Variants in COL19A1 observed in about 807,000 individuals in gnomAD.
COL19A1 encodes collagen type XIX alpha 1 chain, also known as collagen alpha-1(XIX) chain.
COL19A1 carries 159 observed loss-of-function variants against 190.2 expected under a neutral mutation model. That is an observed-to-expected ratio of 0.84 (90% CI 0.73 to 0.95). The LOEUF is 0.95. Ranked by LOEUF, COL19A1 falls within the 40% of genes least tolerant of loss-of-function variation. COL19A1 has a pLI of 0.00. For missense variants in COL19A1, 1,418 were observed against 1,431.9 expected, an observed-to-expected ratio of 0.99 and a Z score of 0.16; for synonymous variants, 509 against 458.9, an observed-to-expected ratio of 1.11 and a Z score of -1.39.
chr6:69,881,221 T>G (rs1768529467), intron 2 of COL19A1, among the ~76,000 whole-genome samples: 1 of 152,226 alleles, frequency 6.6e-6, no homozygotes, highest in Admixed American at 6.5e-5. Context: ...GGAAAACTCT[T>G]AGAGAAACAC....
At chr6:69,892,661 T>C (rs1769433895) in intron 2 of COL19A1, among the ~76,000 whole-genome samples, 1 of 152,150 alleles carries the variant, frequency 6.6e-6, no homozygotes, top group African/African-American at 2.4e-5. Flanking sequence ...TGAGTGATCC[T>C]CTCCTCTTAA....
At chr6:70,066,212 G>A (rs577707384) in intron 14 of COL19A1, among the ~76,000 whole-genome samples, 343 of 152,150 alleles carry the variant, frequency 2.3e-3, no homozygotes, top group African/African-American at 3.8e-3. Context: ...ATGTCCAACA[G>A]TGATAGACTG....
chr6:70,190,762 T>A (rs766193893), intron 48 of COL19A1, among the ~76,000 whole-genome samples: 2 of 152,210 alleles, frequency 1.3e-5, no homozygotes, highest in African/African-American at 4.8e-5. Context: ...TAAATGACTC[T>A]CATTTACCAA....
At chr6:69,978,266 AAG>A (rs904937451) in intron 11 of COL19A1, among the ~76,000 whole-genome samples, 1 of 151,994 alleles carries the variant, frequency 6.6e-6, no homozygotes, top group South Asian at 2.1e-4. Flanking sequence ...GAGAGAGAGA[AAG>A]AGAGAGAAAG....
At chr6:70,075,073 G>A (rs762176252) in intron 15 of COL19A1, among the ~76,000 whole-genome samples, 1 of 151,922 alleles carries the variant, frequency 6.6e-6, no homozygotes, top group Non-Finnish European at 1.5e-5. Context: ...AAAATTCTTG[G>A]CATACAGATA....
At chr6:69,907,955 A>G (rs1307011758) in intron 4 of COL19A1, among the ~76,000 whole-genome samples, 1 of 152,156 alleles carries the variant, frequency 6.6e-6, no homozygotes, top group East Asian at 1.9e-4. Context: ...AGGAAAAGCT[A>G]CACTTCCCCC....
Position 69,921,077 on chromosome 6 carries a change from CAT to C in COL19A1, c.267-6825_267-6824del, listed in dbSNP as rs369829346. ...ATATCATATATATTCATAGACATAT[CAT>C]ATATATTCATAGACATATCATATAT... On this transcript the variant is annotated intron_variant, in intron 4 of 50. Coordinates refer to ENST00000620364, the MANE Select transcript of COL19A1 (RefSeq NM_001858.6). Among the ~76,000 whole-genome samples, 489 of 75,262 alleles carry C rather than the reference CAT, an allele frequency of 6.5e-3. 2 individuals are homozygous for C. Among genetic ancestry groups the C allele is most frequent in the Middle Eastern group, 0.038 (2 of 52 alleles). The allele number at this position is 75,262 out of a possible 152,430, so 49.4% of individuals were successfully genotyped here.
At chr6:69,895,073 G>A (rs768713166) in intron 2 of COL19A1, among the ~76,000 whole-genome samples, 20 of 152,210 alleles carry the variant, frequency 1.3e-4, no homozygotes, top group African/African-American at 1.7e-4. Context: ...AGTTAAACCC[G>A]TTAGCCAGGG....
intron 14 of COL19A1, among the ~76,000 whole-genome samples, chr6:70,039,972 C>A: frequency 6.6e-6 from 1 of 151,496 alleles, no homozygotes; most frequent in Non-Finnish European, 1.5e-5. Context: ...TGCTATGTTG[C>A]CTAGGCTGGT....
At chr6:70,045,481 C>T (rs2150127312) in intron 14 of COL19A1, among the ~76,000 whole-genome samples, 1 of 152,186 alleles carries the variant, frequency 6.6e-6, no homozygotes, top group African/African-American at 2.4e-5. Context: ...TGGTAAGTTA[C>T]AGGAACTCTG....
At chr6:69,918,975 A>G (rs950873352) in intron 4 of COL19A1, among the ~76,000 whole-genome samples, 1 of 152,182 alleles carries the variant, frequency 6.6e-6, no homozygotes, top group African/African-American at 2.4e-5. Flanking sequence ...GGACTTAGGT[A>G]TGTAAGTCCA....
chr6:70,161,846 A>G (rs1191211585), intron 34 of COL19A1, 54 bp from the exon 35 acceptor site: 3 of 1,442,482 alleles, frequency 2.1e-6, no homozygotes, highest in Non-Finnish European at 2.8e-6. Context: ...ATTAACTAAA[A>G]TGCCTTCTTC....
At chr6:69,887,466 T>A (rs1253927156) in intron 2 of COL19A1, among the ~76,000 whole-genome samples, 3 of 152,314 alleles carry the variant, frequency 2.0e-5, no homozygotes, top group Non-Finnish European at 1.5e-5. Flanking sequence ...GCAGTGAATT[T>A]CTATGGATAT....
intron 15 of COL19A1, among the ~76,000 whole-genome samples, chr6:70,101,090 G>C (rs1178549539): frequency 1.3e-5 from 2 of 152,148 alleles, no homozygotes; most frequent in East Asian, 3.9e-4. Flanking sequence ...GGGCCTTTCT[G>C]TGCCTACACT....
chr6:70,147,727 A>G (rs994221102), intron 27 of COL19A1, among the ~76,000 whole-genome samples: 1 of 152,100 alleles, frequency 6.6e-6, no homozygotes, highest in Non-Finnish European at 1.5e-5. Flanking sequence ...CATGTCTGAC[A>G]CTATCTACCT....
At chr6:69,962,425 A>G (rs190239046) in intron 10 of COL19A1, among the ~76,000 whole-genome samples, 1 of 152,234 alleles carries the variant, frequency 6.6e-6, no homozygotes, top group Non-Finnish European at 1.5e-5. Context: ...CTTTCTAAGA[A>G]GGCTGTTTCC....
intron 4 of COL19A1, among the ~76,000 whole-genome samples, chr6:69,912,432 T>C (rs1771000619): frequency 1.3e-5 from 2 of 152,242 alleles, no homozygotes; most frequent in East Asian, 1.9e-4. Flanking sequence ...CGAAAAGTGA[T>C]GCACATGTGT....
intron 2 of COL19A1, among the ~76,000 whole-genome samples, chr6:69,893,671 C>T (rs1387848867): frequency 6.6e-6 from 1 of 152,214 alleles, no homozygotes; most frequent in African/African-American, 2.4e-5. Context: ...CCTGCAAAAT[C>T]TCTTGTGGGA....
intron 11 of COL19A1, among the ~76,000 whole-genome samples, chr6:69,987,524 C>T (rs9454931): frequency 0.021 from 3,234 of 152,244 alleles, 109 homozygotes; most frequent in African/African-American, 0.074. Context: ...GTCCTTAAAA[C>T]GATTGCTTGG....
Sources: gnomAD v4.1 joint callset for allele counts (sites outside exome capture counted in the v4.1 genomes callset) on GRCh38, gnomAD v4.1.1 for gene constraint, MANE v1.5 for transcripts, NCBI Gene and HGNC (gene_info 2026-07-23, HGNC 2026-07-21) for gene names.